Variants in RBBP7 observed in about 807,000 individuals in gnomAD.
The protein encoded by RBBP7 is histone-binding protein RBBP7.
RBBP7 carries 5 observed loss-of-function variants against 35.2 expected under a neutral mutation model. That is an observed-to-expected ratio of 0.14 (90% confidence interval 0.07 to 0.30). The LOEUF is 0.30. RBBP7 is among the 10% of genes least tolerant of loss of function. The probability of loss-of-function intolerance (pLI) is 1.00; values close to 1 mark genes in which losing one functional copy is unlikely to be tolerated. For synonymous variants in RBBP7, 140 were observed against 118.7 expected (o/e 1.18, Z -1.17); for missense variants, 155 against 327.5 (o/e 0.47, Z 4.07).
intron 3 of RBBP7, among the ~76,000 whole-genome samples, chrX:16,861,293 T>C (rs180874936): frequency 1.8e-5 from 2 of 111,955 alleles, no homozygotes; most frequent in African/African-American, 3.2e-5. Flanking sequence ...CTTTGGAAAA[T>C]AGTTTTCTAT....
In RBBP7 at chrX:16,870,267, T is replaced by TTC. The variant is rs752717090; in HGVS notation, c.-216_-215dup. 45 of 386,138 alleles carry TTC rather than the reference T, an allele frequency of 1.2e-4. No homozygotes were observed. The highest frequency in any genetic ancestry group is 6.3e-4 in the East Asian group (7 of 11,041). The allele number at this position is 386,138 out of a possible 1,213,427, so 31.8% of individuals were successfully genotyped here. On this transcript the variant is annotated 5_prime_UTR_variant, in exon 1 of 12. An upstream open reading frame in the 5' UTR loses its in-frame stop. Coordinates refer to ENST00000380087, the MANE Select transcript of RBBP7 (RefSeq NM_002893.4). Reference sequence around the variant, plus strand: ...GCGGGTACCGAGGTCTGAGGCGCTCTTCTCTCTCTCTCCAAACTTGGAACG... The same window carrying TTC: ...GCGGGTACCGAGGTCTGAGGCGCTCTTCTCTCTCTCTCTCCAAACTTGGAACG...
At chrX:16,865,056 C>T in intron 2 of RBBP7, among the ~76,000 whole-genome samples, 1 of 66,601 alleles carries the variant, frequency 1.5e-5, no homozygotes, top group Non-Finnish European at 2.5e-5. Context: ...ATAGCAAGAC[C>T]CTGTCTCAAA....
chrX:16,868,474 T>A (rs1930682695), intron 2 of RBBP7, among the ~76,000 whole-genome samples: 1 of 112,341 alleles, frequency 8.9e-6, no homozygotes, highest in African/African-American at 3.2e-5. Context: ...TCTTCAGATG[T>A]GCCAGGCCCT....
At chrX:16,847,048 G>A (rs1930096336) in intron 10 of RBBP7, 1 of 111,298 alleles carries the variant, frequency 9.0e-6, no homozygotes, top group Non-Finnish European at 1.9e-5. Flanking sequence ...AAGACAGCTT[G>A]AACCTGGGAG....
rs188454479 is a variant in RBBP7, at chrX:16,852,135, A to C, written c.964-13T>G. 97 of 1,141,931 alleles carry C rather than the reference A, an allele frequency of 8.5e-5. No individual in the cohort carries two copies. Among genetic ancestry groups the C allele is most frequent in the Non-Finnish European group, 1.1e-4 (93 of 834,789 alleles). 94.1% of individuals were successfully genotyped at this position (1,141,931 alleles called of 1,213,427 possible). A position where few individuals can be genotyped will look rare whatever the true frequency, so the allele number is the denominator to read the frequency against. On this transcript the variant is annotated splice_polypyrimidine_tract_variant and intron_variant, in intron 8 of 11. Coordinates refer to ENST00000380087, the MANE Select transcript of RBBP7 (RefSeq NM_002893.4). ...GAGACCAGTGGACCTAGTAATAGAT[A>C]ATTTTGAAAATGTATTTAAAGAATC...
At chrX:16,846,457 C>T (rs1231611894) in intron 10 of RBBP7, 1 of 111,740 alleles carries the variant, frequency 8.9e-6, no homozygotes, top group East Asian at 2.8e-4. Context: ...CTGAGAGAGG[C>T]ATACTTCTTG....
At chrX:16,861,666 G>GA (rs1048858356) in intron 3 of RBBP7, among the ~76,000 whole-genome samples, 21 of 111,459 alleles carry the variant, frequency 1.9e-4, no homozygotes, top group African/African-American at 6.5e-4. Context: ...TTTTCAATAA[G>GA]AAAAAAACCC....
intron 9 of RBBP7, among the ~76,000 whole-genome samples, chrX:16,849,677 G>A (rs1260515701): frequency 9.0e-6 from 1 of 111,651 alleles, no homozygotes; most frequent in African/African-American, 3.3e-5. Flanking sequence ...TGCAGAATGA[G>A]GAATTATTGT....
chrX:16,846,663 A>G (rs1930085557), intron 10 of RBBP7: 1 of 112,288 alleles, frequency 8.9e-6, no homozygotes, highest in African/African-American at 3.2e-5. Context: ...TCTTAGAATT[A>G]AGATTTAAAC....
intron 6 of RBBP7, 77 bp from the exon 7 acceptor site, chrX:16,852,952 C>T: frequency 1.7e-6 from 2 of 1,191,695 alleles, no homozygotes; most frequent in Non-Finnish European, 1.1e-6. Flanking sequence ...TGTCACTGCA[C>T]TCCACAACTA....
intron 3 of RBBP7, among the ~76,000 whole-genome samples, chrX:16,861,731 AAG>A (rs1484651689): frequency 4.5e-5 from 5 of 111,699 alleles, no homozygotes; most frequent in African/African-American, 1.6e-4. Context: ...ACTGTGAAGA[AAG>A]AGTTAATACA....
chrX:16,847,142 G>A (rs1344575432), intron 10 of RBBP7: 1 of 106,889 alleles, frequency 9.4e-6, no homozygotes, highest in East Asian at 3.0e-4. Flanking sequence ...AAAAAAAGAG[G>A]TAAATAGCTT....
intron 10 of RBBP7, 186 bp from the exon 11 acceptor site, chrX:16,846,124 G>A (rs1472800802): frequency 2.9e-6 from 2 of 689,171 alleles, no homozygotes; most frequent in Non-Finnish European, 4.1e-6. Context: ...TCCAGAATAG[G>A]TGACAGAATA....
intron 10 of RBBP7, chrX:16,847,194 C>T (rs777075854): frequency 1.9e-5 from 2 of 105,605 alleles, no homozygotes; most frequent in African/African-American, 7.0e-5. Flanking sequence ...ATATACTGGC[C>T]GGGTGTGGTG....
intron 11 of RBBP7, 45 bp downstream of exon 11, chrX:16,845,781 ATC>A (rs1930061667): frequency 8.5e-7 from 1 of 1,176,083 alleles, no homozygotes; most frequent in African/African-American, 1.8e-5. Context: ...TAAGTAGTAA[ATC>A]TCTCCTTTAC....
rs773654366 is a variant in RBBP7 at position 16,853,857 on chromosome X, G to C, written c.598-15C>G. On this transcript the variant is annotated splice_polypyrimidine_tract_variant and intron_variant, in intron 5 of 11. Coordinates refer to ENST00000380087, the MANE Select transcript of RBBP7 (RefSeq NM_002893.4). ...AGACAAACAGTCTAAGAGAGAAGGAGAGAAAAAAAAAAGAACAAGGGCTAT... is the reference window on the plus strand; with the variant it reads ...AGACAAACAGTCTAAGAGAGAAGGACAGAAAAAAAAAAGAACAAGGGCTAT... 5.7e-6 allele frequency: 6 copies of C among 1,061,042 alleles called. No homozygotes were observed. Among genetic ancestry groups the C allele is most frequent in the Non-Finnish European group, 6.1e-6 (5 of 819,211 alleles). The allele number at this position is 1,061,042 out of a possible 1,213,427, so 87.4% of individuals were successfully genotyped here.
chrX:16,855,891 A>G (rs770820059), intron 5 of RBBP7, among the ~76,000 whole-genome samples: 8 of 104,276 alleles, frequency 7.7e-5, no homozygotes, highest in Non-Finnish European at 1.6e-4. Flanking sequence ...CACCTACTTG[A>G]CAGGCTGAGG....
chrX:16,869,697 C>T lies in RBBP7; in HGVS notation c.16+341G>A, dbSNP rs1424588459. 4 of 969,125 alleles carry T rather than the reference C, an allele frequency of 4.1e-6. No homozygotes were observed. The East Asian group carries it at 1.7e-4, about 41-fold the overall frequency. 79.9% of individuals were successfully genotyped at this position (969,125 alleles called of 1,213,427 possible). On this transcript the variant is annotated intron_variant, in intron 1 of 11. Transcript: ENST00000380087. ...AGGGCCGCGACCCCGAGGCGGTCAACGCGCGCGCGCGCGTAGAAAGAGCCG... is the reference window on the plus strand; with the variant it reads ...AGGGCCGCGACCCCGAGGCGGTCAATGCGCGCGCGCGCGTAGAAAGAGCCG...
intron 9 of RBBP7, among the ~76,000 whole-genome samples, chrX:16,850,080 T>A (rs1192195216): frequency 8.9e-6 from 1 of 112,183 alleles, no homozygotes; most frequent in African/African-American, 3.2e-5. Flanking sequence ...AGTGAGACAT[T>A]TTTTTCCTTC....
Sources: gnomAD v4.1 joint callset for allele counts (sites outside exome capture counted in the v4.1 genomes callset) on GRCh38, gnomAD v4.1.1 for gene constraint, MANE v1.5 for transcripts, NCBI Gene and HGNC (gene_info 2026-07-23, HGNC 2026-07-21) for gene names.